The following ISM1 variants were observed in gnomAD, a reference collection of about 807,000 sequenced individuals.
ISM1 encodes the protein isthmin-1.
ISM1 carries 25 observed loss-of-function variants against 46.3 expected under a neutral mutation model. That is an observed-to-expected ratio of 0.54 (90% CI 0.39 to 0.75). The LOEUF (loss-of-function observed/expected upper bound fraction) is 0.75. ISM1 is among the 30% of genes least tolerant of loss of function. The probability of loss-of-function intolerance (pLI) is 0.00; values close to 1 mark genes in which losing one functional copy is unlikely to be tolerated. For synonymous variants in ISM1, 255 were observed against 256.7 expected (o/e 0.99, Z 0.06); for missense variants, 536 against 625.4 (o/e 0.86, Z 1.52).
chr20:13,311,746 C>T, the ISM1 span, among the ~76,000 whole-genome samples: 1 of 152,092 alleles, frequency 6.6e-6, no homozygotes, highest in African/African-American at 2.4e-5. Flanking sequence ...CAAACTCATA[C>T]CAGCAGAGAG....
chr20:13,282,086 G>C (rs1355558469), intron 3 of ISM1, among the ~76,000 whole-genome samples: 1 of 152,138 alleles, frequency 6.6e-6, no homozygotes, highest in East Asian at 1.9e-4. Flanking sequence ...GCTGCATTGC[G>C]CACCTCTGTT....
chr20:13,306,564 CAAAAAA>C, the ISM1 span, among the ~76,000 whole-genome samples: 34 of 63,908 alleles, frequency 5.3e-4, no homozygotes, highest in Non-Finnish European at 8.2e-4. Context: ...GGAGAAAGGA[CAAAAAA>C]AAAAAAAAAA....
rs377251735 is a variant in ISM1 at position 13,292,460 on chromosome 20, G to C, written c.874G>C (p.Val292Leu). ...EEFNATKLFEVDTDSCERWMS... is the reference protein window; with the variant it reads ...EEFNATKLFELDTDSCERWMS... ...GTTTAATGCCACCAAACTGTTTGAA[G>C]TTGGTAAGATTTTTTTCTTTTTTAA... The change falls in exon 5 of 6, where the codon GTT becomes CTT. Residue 292 changes from valine to leucine, a missense_variant. Transcript: ENST00000262487. 5.7e-6 allele frequency: 9 copies of C among 1,586,510 alleles called. No individual in the cohort carries two copies. The highest frequency in any genetic ancestry group is 3.5e-5 in the South Asian group (3 of 86,482).
chr20:13,290,517 C>T (rs1363787717), intron 4 of ISM1, among the ~76,000 whole-genome samples: 6 of 152,050 alleles, frequency 3.9e-5, no homozygotes, highest in East Asian at 3.9e-4. Flanking sequence ...GGCATGGTGG[C>T]GGGCGCCTGT....
At chr20:13,295,212 C>A (rs777478374) in intron 5 of ISM1, among the ~76,000 whole-genome samples, 1 of 152,170 alleles carries the variant, frequency 6.6e-6, no homozygotes, top group African/African-American at 2.4e-5. Context: ...TCTTCTGATC[C>A]CACCTGCTGT....
chr20:13,221,729 C>T lies in ISM1; in HGVS notation c.-48C>T, dbSNP rs1305421128. ...TCCTCCTCCCCCGGCGTCACCGCCG[C>T]CGCCGCCGGCCGCCGCGCCGGGTCC... On this transcript the variant is annotated 5_prime_UTR_variant, in exon 1 of 6. Transcript: ENST00000262487. 7.4e-7 allele frequency: 1 copy of T among 1,342,302 alleles called. No homozygotes were observed. Among genetic ancestry groups the T allele is most frequent in the Non-Finnish European group, 9.5e-7 (1 of 1,050,166 alleles). 83.1% of individuals were successfully genotyped at this position (1,342,302 alleles called of 1,614,324 possible). A position where few individuals can be genotyped will look rare whatever the true frequency, so the allele number is the denominator to read the frequency against.
chr20:13,245,449 C>T (rs1178537022), intron 1 of ISM1: 1 of 152,216 alleles, frequency 6.6e-6, no homozygotes, highest in African/African-American at 2.4e-5. Flanking sequence ...TCATGTTTGC[C>T]ATACCCTATT....
At chr20:13,288,396 T>C in intron 3 of ISM1, 144 bp from the exon 4 acceptor site, 3 of 857,300 alleles carry the variant, frequency 3.5e-6, no homozygotes, top group Non-Finnish European at 5.3e-6. Context: ...GCTGTAAACC[T>C]TTTAGCTCCA....
At chr20:13,274,095 GCACA>G (rs1204613421) in intron 2 of ISM1, among the ~76,000 whole-genome samples, 13 of 151,742 alleles carry the variant, frequency 8.6e-5, no homozygotes, top group African/African-American at 3.2e-4. Flanking sequence ...GCATGTGCAT[GCACA>G]CAAACACACC....
chr20:13,316,046 C>T, the ISM1 span, among the ~76,000 whole-genome samples: 6 of 151,972 alleles, frequency 3.9e-5, no homozygotes, highest in East Asian at 3.9e-4. Flanking sequence ...TAAGCTTCTG[C>T]GCTGGCCAAC....
At chr20:13,253,494 G>C (rs1271583337) in intron 1 of ISM1, among the ~76,000 whole-genome samples, 1 of 152,302 alleles carries the variant, frequency 6.6e-6, no homozygotes, top group East Asian at 1.9e-4. Flanking sequence ...GTACCATTCA[G>C]AATGATAGCT....
At chr20:13,265,953 T>C (rs1232508394) in intron 1 of ISM1, among the ~76,000 whole-genome samples, 1 of 152,126 alleles carries the variant, frequency 6.6e-6, no homozygotes, top group African/African-American at 2.4e-5. Context: ...ACAGCCTCCA[T>C]CCTCAGGCCT....
intron 1 of ISM1, chr20:13,239,306 A>G (rs2039689827): frequency 6.6e-6 from 1 of 152,186 alleles, no homozygotes; most frequent in Non-Finnish European, 1.5e-5. Context: ...ATGCCCCACA[A>G]TGGTTCTTTC....
chr20:13,304,001 G>A (rs927242231), downstream of ISM1, among the ~76,000 whole-genome samples: 62 of 152,310 alleles, frequency 4.1e-4, no homozygotes, highest in African/African-American at 1.5e-3. Context: ...GACAACCCAG[G>A]GACCCAGACT....
intron 1 of ISM1, among the ~76,000 whole-genome samples, chr20:13,265,656 A>T (rs890003674): frequency 2.0e-5 from 3 of 151,438 alleles, no homozygotes; most frequent in Non-Finnish European, 4.4e-5. Flanking sequence ...GTGAGGAAAA[A>T]CCTCTTGCAA....
At chr20:13,325,827 C>T in the ISM1 span, among the ~76,000 whole-genome samples, 17,260 of 152,178 alleles carry the variant, frequency 0.11, 1,392 homozygotes, top group Non-Finnish European at 0.17. Flanking sequence ...TTGACATACA[C>T]TTTAAAAGAA....
chr20:13,267,433 G>A (rs2040055439), intron 1 of ISM1, among the ~76,000 whole-genome samples: 1 of 152,192 alleles, frequency 6.6e-6, no homozygotes. Flanking sequence ...GAACTGCCCA[G>A]CCAGTGACCC....
At chr20:13,271,274 G>A (rs2040112561) in intron 2 of ISM1, among the ~76,000 whole-genome samples, 1 of 152,142 alleles carries the variant, frequency 6.6e-6, no homozygotes, top group African/African-American at 2.4e-5. Context: ...AAGTATACAT[G>A]ACTTACAAAA....
intron 1 of ISM1, among the ~76,000 whole-genome samples, chr20:13,245,063 C>T (rs1480159635): frequency 2.0e-5 from 3 of 152,140 alleles, no homozygotes; most frequent in Admixed American, 6.5e-5. Flanking sequence ...ATTTTAATAC[C>T]AAAAAGCACT....
Sources: gnomAD v4.1 joint callset for allele counts (sites outside exome capture counted in the v4.1 genomes callset) on GRCh38, gnomAD v4.1.1 for gene constraint, MANE v1.5 for transcripts, NCBI Gene and HGNC (gene_info 2026-07-23, HGNC 2026-07-21) for gene names.